NF1: variants seen among roughly 807,000 people sequenced by gnomAD.
NF1 encodes neurofibromin.
Under a neutral mutation model 325.7 loss-of-function variants are expected in NF1, and 122 were observed. The ratio of observed to expected loss-of-function variants is 0.37; its 90% CI spans 0.32 to 0.44. The LOEUF is 0.44. Ranked by LOEUF, NF1 falls within the 20% of genes least tolerant of loss-of-function variation. NF1 has a pLI of 1.00. For missense variants in NF1, 2,140 were observed against 3,415.4 expected, an observed-to-expected ratio of 0.63 and a Z score of 9.31; for synonymous variants, 1,091 against 1,186.0, an observed-to-expected ratio of 0.92 and a Z score of 1.65.
At chr17:31,240,940 T>C (rs1297631256) in intron 29 of NF1, among the ~76,000 whole-genome samples, 2 of 152,108 alleles carry the variant, frequency 1.3e-5, no homozygotes, top group Non-Finnish European at 2.9e-5. Flanking sequence ...TGTAGTGGCG[T>C]GATCTTGGCT....
At chr17:31,368,223 G>A (rs866351393) in intron 57 of NF1, among the ~76,000 whole-genome samples, 13 of 152,046 alleles carry the variant, frequency 8.6e-5, no homozygotes, top group African/African-American at 2.9e-4. Context: ...TGCAACCTCC[G>A]CCTCCCCAGT....
rs1555594769 is a variant in NF1, at chr17:31,096,141, C to CT, written c.60+782dup. The stretch of plus-strand genomic sequence containing the variant: ...ATAATTGCAGTCTCTTCCCCCCCCC[C>CT]TTTTTTTTTTGCCAGCGGTCTGAGG... On this transcript the variant is annotated intron_variant, in intron 1 of 57. Coordinates refer to ENST00000358273, the MANE Select transcript of NF1 (RefSeq NM_001042492.3). Among the ~76,000 whole-genome samples, 342 of 144,656 alleles carry CT rather than the reference C, an allele frequency of 2.4e-3. 2 individuals are homozygous for CT. The highest frequency in any genetic ancestry group is 1.7e-3 in the Non-Finnish European group (112 of 65,954). The allele number at this position is 144,656 out of a possible 152,430, so 94.9% of individuals were successfully genotyped here. A position where few individuals can be genotyped will look rare whatever the true frequency, so the allele number is the denominator to read the frequency against.
chr17:31,295,897 T>C (rs764264280), intron 36 of NF1: 8 of 1,614,062 alleles, frequency 5.0e-6, no homozygotes, highest in Non-Finnish European at 5.9e-6. Flanking sequence ...CGAGACTTCT[T>C]AGTGTATTTT....
intron 11 of NF1, among the ~76,000 whole-genome samples, chr17:31,205,294 T>G (rs1236520227): frequency 3.9e-5 from 6 of 152,152 alleles, no homozygotes; most frequent in African/African-American, 1.4e-4. Context: ...TCAATCCCTC[T>G]TATCTACAAT....
chr17:31,296,176 TC>T (rs779586744), intron 36 of NF1: 1 of 1,613,334 alleles, frequency 6.2e-7, no homozygotes, highest in Non-Finnish European at 8.5e-7. Flanking sequence ...TCTCTTGCAG[TC>T]CAGATGGTAA....
chr17:31,228,353 T>C (rs940598750), intron 20 of NF1, among the ~76,000 whole-genome samples: 2 of 152,194 alleles, frequency 1.3e-5, no homozygotes, highest in Non-Finnish European at 2.9e-5. Flanking sequence ...AAAAGTTATA[T>C]TTTTACGAAG....
chr17:31,104,365 G>T (rs192756813), intron 1 of NF1, among the ~76,000 whole-genome samples: 25 of 152,324 alleles, frequency 1.6e-4, no homozygotes, highest in African/African-American at 6.0e-4. Context: ...GTGTATATAA[G>T]TCAAGGGACA....
At chr17:31,350,630 C>T (rs532865455) in intron 50 of NF1, among the ~76,000 whole-genome samples, 14 of 152,190 alleles carry the variant, frequency 9.2e-5, no homozygotes, top group Admixed American at 7.2e-4. Flanking sequence ...AAAAAACTAA[C>T]GCGAAATATA....
chr17:31,300,448 C>T (rs1443253979), intron 36 of NF1, among the ~76,000 whole-genome samples: 1 of 151,950 alleles, frequency 6.6e-6, no homozygotes, highest in Non-Finnish European at 1.5e-5. Flanking sequence ...CTTACTGTAT[C>T]TTGAGTATCA....
At chr17:31,225,329 T>C (rs2144029023) in intron 17 of NF1, 79 bp downstream of exon 17, 3 of 1,472,084 alleles carry the variant, frequency 2.0e-6, no homozygotes, top group Non-Finnish European at 1.9e-6. Context: ...AAATTTCATC[T>C]AGGTAATATA....
chr17:31,328,791 C>CCAAAT (rs2069410058), intron 38 of NF1, among the ~76,000 whole-genome samples: 4 of 152,036 alleles, frequency 2.6e-5, no homozygotes, highest in Non-Finnish European at 5.9e-5. Flanking sequence ...ATTCCAAATT[C>CCAAAT]TCCTTTACTT....
intron 1 of NF1, among the ~76,000 whole-genome samples, chr17:31,129,479 C>T (rs1053728364): frequency 7.4e-6 from 1 of 135,226 alleles, no homozygotes. Context: ...TTTTTTGAGA[C>T]AGAGTAGTGA....
At chr17:31,288,422 A>G (rs183267898) in intron 36 of NF1, among the ~76,000 whole-genome samples, 1 of 151,420 alleles carries the variant, frequency 6.6e-6, no homozygotes, top group African/African-American at 2.4e-5. Flanking sequence ...CCCTTGAGCA[A>G]TTTTCTATAT....
intron 57 of NF1, among the ~76,000 whole-genome samples, chr17:31,367,989 G>A (rs1445922396): frequency 2.0e-5 from 3 of 151,904 alleles, no homozygotes; most frequent in Non-Finnish European, 4.4e-5. Flanking sequence ...TCATTAGTTA[G>A]CTATAAGGAC....
intron 57 of NF1, among the ~76,000 whole-genome samples, chr17:31,370,229 C>T (rs751244977): frequency 2.0e-4 from 30 of 152,090 alleles, no homozygotes; most frequent in Non-Finnish European, 3.4e-4. Context: ...CAACTTTTGA[C>T]ATAGTGTTGA....
intron 55 of NF1, 153 bp downstream of exon 55, chr17:31,358,775 C>T: frequency 1.7e-6 from 2 of 1,156,934 alleles, no homozygotes; most frequent in Non-Finnish European, 2.5e-6. Context: ...ACTGTATGTC[C>T]AATGTAACTG....
chr17:31,320,969 A>C (rs1353040379), intron 36 of NF1: 1 of 152,296 alleles, frequency 6.6e-6, no homozygotes, highest in African/African-American at 2.4e-5. Context: ...CGGAACAGAT[A>C]ATAGGCCTGC....
At chr17:31,151,951 T>C (rs1916971605) in intron 1 of NF1, among the ~76,000 whole-genome samples, 1 of 152,194 alleles carries the variant, frequency 6.6e-6, no homozygotes, top group African/African-American at 2.4e-5. Context: ...GTTACATATG[T>C]ATACATGTGC....
intron 1 of NF1, among the ~76,000 whole-genome samples, chr17:31,127,681 C>T (rs776870889): frequency 6.6e-6 from 1 of 151,100 alleles, no homozygotes; most frequent in East Asian, 1.9e-4. Flanking sequence ...ATCCTCTAGT[C>T]TCAGCCTCCC....
Sources: gnomAD v4.1 joint callset for allele counts (sites outside exome capture counted in the v4.1 genomes callset) on GRCh38, gnomAD v4.1.1 for gene constraint, MANE v1.5 for transcripts, NCBI Gene and HGNC (gene_info 2026-07-23, HGNC 2026-07-21) for gene names.